TBC1D22B: variants seen among roughly 807,000 people sequenced by gnomAD.
TBC1D22B encodes the protein chromosome 6 open reading frame 197.
A neutral mutation model predicts 69.1 loss-of-function variants in TBC1D22B; 32 were observed. The ratio of observed to expected loss-of-function variants is 0.46; its 90% CI spans 0.35 to 0.62. The LOEUF (loss-of-function observed/expected upper bound fraction) is 0.62. TBC1D22B is among the 20% of genes least tolerant of loss of function. TBC1D22B has a pLI of 0.00. For synonymous variants in TBC1D22B, 206 were observed against 229.8 expected, an observed-to-expected ratio of 0.90 and a Z score of 0.94; for missense variants, 462 against 630.9, an observed-to-expected ratio of 0.73 and a Z score of 2.87.
At chr6:37,275,254 G>A (rs1041641119) in intron 2 of TBC1D22B, among the ~76,000 whole-genome samples, 3 of 152,160 alleles carry the variant, frequency 2.0e-5, no homozygotes, top group Non-Finnish European at 2.9e-5. Context: ...CTTACAAGGA[G>A]CCCATGCCTA....
At chr6:37,314,865 C>G (rs2113783210) in intron 10 of TBC1D22B, among the ~76,000 whole-genome samples, 1 of 150,458 alleles carries the variant, frequency 6.6e-6, no homozygotes, top group Admixed American at 6.7e-5. Flanking sequence ...TCCACTCACT[C>G]TATTTTATGA....
At position 37,299,519 on chromosome 6, in the gene TBC1D22B, T is replaced by C. The variant is rs115158103; in HGVS notation, c.982+8162T>C. ...TCAGATCTGTCCATTCAACAAGTAT[T>C]TATTAAGCTGTTACTATGTGCCAGG... On this transcript the variant is annotated intron_variant, in intron 8 of 12. Coordinates refer to ENST00000373491, the MANE Select transcript of TBC1D22B (RefSeq NM_017772.4). Among the ~76,000 whole-genome samples, 424 of 152,358 alleles carry C rather than the reference T, an allele frequency of 2.8e-3. 1 individual carries two copies. Among genetic ancestry groups the C allele is most frequent in the African/African-American group, 9.7e-3 (403 of 41,586 alleles).
chr6:37,258,802 G>A (rs1239903983), intron 1 of TBC1D22B, among the ~76,000 whole-genome samples: 1 of 152,154 alleles, frequency 6.6e-6, no homozygotes. Flanking sequence ...GTCCTGAGAA[G>A]TATAAGGAAG....
chr6:37,330,645 CAA>C (rs944406132), intron 12 of TBC1D22B, among the ~76,000 whole-genome samples: 14 of 150,860 alleles, frequency 9.3e-5, no homozygotes, highest in Admixed American at 2.6e-4. Flanking sequence ...GATCCTGTCT[CAA>C]AAAAAAGTCA....
chr6:37,267,447 AATAT>A (rs796841147), intron 1 of TBC1D22B, among the ~76,000 whole-genome samples: 5 of 142,314 alleles, frequency 3.5e-5, no homozygotes, highest in Admixed American at 7.4e-5. Flanking sequence ...ACACATATAT[AATAT>A]ATATATACAC....
chr6:37,305,129 C>T (rs997923071), intron 8 of TBC1D22B, among the ~76,000 whole-genome samples: 6 of 152,160 alleles, frequency 3.9e-5, no homozygotes, highest in African/African-American at 1.2e-4. Context: ...GGATTGTGCT[C>T]GCCCCCCACG....
chr6:37,329,769 G>A (rs575736805), intron 12 of TBC1D22B, among the ~76,000 whole-genome samples: 16 of 152,196 alleles, frequency 1.1e-4, no homozygotes, highest in Admixed American at 1.0e-3. Flanking sequence ...TATGGTCTAA[G>A]ATGATCACTT....
chr6:37,325,221 C>T (rs1020349530), intron 12 of TBC1D22B, among the ~76,000 whole-genome samples: 3 of 152,110 alleles, frequency 2.0e-5, no homozygotes, highest in African/African-American at 7.2e-5. Context: ...TTGCCTTTTC[C>T]TGTGTGAATT....
At chr6:37,296,920 G>A (rs1023935262) in intron 8 of TBC1D22B, among the ~76,000 whole-genome samples, 2 of 151,686 alleles carry the variant, frequency 1.3e-5, no homozygotes, top group Admixed American at 6.6e-5. Flanking sequence ...TCCATCTCCC[G>A]GGCTCAAGCA....
Position 37,269,652 on chromosome 6 carries a change from TAAGTC to T in TBC1D22B, c.113+6_113+10del. ...TCTTGACCCACGGCTCACCAAAAAG[TAAGTC>T]AAGACATTTTCGTTTTATCTATCTA... On this transcript the variant is annotated splice_donor_5th_base_variant and intron_variant, in intron 2 of 12. Transcript: ENST00000373491. The T allele has an allele frequency of 6.2e-7, 1 of 1,614,154 alleles. No homozygotes were observed. The highest frequency in any genetic ancestry group is 8.5e-7 in the Non-Finnish European group (1 of 1,180,000).
chr6:37,260,664 C>T (rs1006036021), intron 1 of TBC1D22B, among the ~76,000 whole-genome samples: 2 of 152,146 alleles, frequency 1.3e-5, no homozygotes, highest in African/African-American at 4.8e-5. Flanking sequence ...CACTCCAGAC[C>T]CTGGTAACTA....
intron 8 of TBC1D22B, among the ~76,000 whole-genome samples, chr6:37,311,080 T>C (rs911770963): frequency 6.6e-6 from 1 of 152,208 alleles, no homozygotes; most frequent in African/African-American, 2.4e-5. Context: ...TCGTTACAAG[T>C]TCCTCATAAA....
intron 8 of TBC1D22B, among the ~76,000 whole-genome samples, chr6:37,309,497 G>A (rs753848958): frequency 4.6e-5 from 7 of 152,228 alleles, no homozygotes; most frequent in African/African-American, 7.2e-5. Flanking sequence ...TAGGAAATGT[G>A]TAGGAGGAGT....
chr6:37,284,109 C>T (rs1249356794), intron 5 of TBC1D22B, among the ~76,000 whole-genome samples: 1 of 152,148 alleles, frequency 6.6e-6, no homozygotes, highest in Non-Finnish European at 1.5e-5. Flanking sequence ...CAGTGCAGGG[C>T]CAAGGGAGTA....
At chr6:37,267,722 C>G (rs1283262975) in intron 1 of TBC1D22B, among the ~76,000 whole-genome samples, 2 of 151,766 alleles carry the variant, frequency 1.3e-5, no homozygotes, top group African/African-American at 4.8e-5. Flanking sequence ...CCTCACCCCT[C>G]TCTTCCCACC....
intron 12 of TBC1D22B, chr6:37,324,258 C>G (rs1319893144): frequency 2.2e-6 from 1 of 456,074 alleles, no homozygotes; most frequent in South Asian, 1.6e-5. Flanking sequence ...TTTGGTTGTG[C>G]CAGCCCTTAT....
intron 12 of TBC1D22B, among the ~76,000 whole-genome samples, chr6:37,327,284 C>G (rs1768441670): frequency 7.2e-6 from 1 of 139,682 alleles, no homozygotes; most frequent in South Asian, 2.2e-4. Flanking sequence ...CGAGACCATC[C>G]TGGCTAACAC....
At chr6:37,258,032 C>G (rs1404233389) in intron 1 of TBC1D22B, 59 bp downstream of exon 1, 1 of 1,574,884 alleles carries the variant, frequency 6.3e-7, no homozygotes, top group Middle Eastern at 1.8e-4. Context: ...AGATCCTAAT[C>G]CCTGAATCCC....
rs756040104 is a variant in TBC1D22B, at chr6:37,257,995, G to T, written c.56+22G>T. The T allele has an allele frequency of 6.2e-6, 10 of 1,613,160 alleles. No homozygotes were observed. In the South Asian group the frequency reaches 1.1e-4, roughly 18 times the overall value. ...GGAGGTGAGCCCAGGACGCTGAGAGGGATAGGGGATTGGACCAAACCCTTC... is the reference window on the plus strand; with the variant it reads ...GGAGGTGAGCCCAGGACGCTGAGAGTGATAGGGGATTGGACCAAACCCTTC... On this transcript the variant is annotated intron_variant, in intron 1 of 12. Coordinates refer to ENST00000373491, the MANE Select transcript of TBC1D22B (RefSeq NM_017772.4).
Sources: gnomAD v4.1 joint callset for allele counts (sites outside exome capture counted in the v4.1 genomes callset) on GRCh38, gnomAD v4.1.1 for gene constraint, MANE v1.5 for transcripts, NCBI Gene and HGNC (gene_info 2026-07-23, HGNC 2026-07-21) for gene names.